The following ZACN variants were observed in gnomAD, a reference collection of about 807,000 sequenced individuals.
ZACN encodes ligand-gated cation channel ZACN.
In ZACN, 52 loss-of-function variants were observed where a neutral mutation model predicts 38.9. The ratio of observed to expected loss-of-function variants is 1.34; its 90% CI spans 1.07 to 1.68. The LOEUF (loss-of-function observed/expected upper bound fraction) is 1.68, where lower values mean the gene tolerates loss of function less well. ZACN is among the 40% of genes most tolerant of loss of function. The pLI is 0.00. For missense variants in ZACN, 559 were observed against 525.6 expected, an observed-to-expected ratio of 1.06 and a Z score of -0.62; for synonymous variants, 235 against 227.4, an observed-to-expected ratio of 1.03 and a Z score of -0.30.
At position 76,082,007 on chromosome 17, in the gene ZACN, G is replaced by T. The variant is rs1437638243; in HGVS notation, c.1006G>T (p.Glu336Ter). 2.5e-6 allele frequency: 4 copies of T among 1,611,542 alleles called. No homozygotes were observed. Among genetic ancestry groups the T allele is most frequent in the South Asian group, 1.1e-5 (1 of 90,944 alleles). ...KSGPSPAPRG[E>*]QREHGNPGPH... The stretch of plus-strand genomic sequence containing the variant: ...CGGCCCCAGCCCAGCCCCGAGAGGG[G>T]AACAGCGAGAGCACGGCAACCCAGG... Residue 336 changes from glutamate (E) to a stop codon, truncating the protein, a stop_gained, in exon 8 of 9, where the codon GAA (glutamate) becomes TAA (stop). Coordinates refer to ENST00000334586, the MANE Select transcript of ZACN (RefSeq NM_180990.4). LOFTEE classifies it low-confidence loss of function (END_TRUNC).
rs1229789844 is a variant in ZACN at position 76,079,768 on chromosome 17, G to A, written c.267+22G>A. ...GCTGGTGAGCTCCTATGCCTGGGGA[G>A]GTGGGATGGGAAAGCCCAGCTGAGT... On this transcript the variant is annotated intron_variant, in intron 3 of 8. Transcript: ENST00000334586. 3 of 1,612,016 alleles carry A rather than the reference G, an allele frequency of 1.9e-6. No individual in the cohort carries two copies. The South Asian group carries it at 3.3e-5, about 18-fold the overall frequency.
Position 76,079,931 on chromosome 17 carries a change from C to T in ZACN, c.311C>T (p.Pro104Leu), listed in dbSNP as rs200681257. Residue 104 changes from proline to leucine, a missense_variant, in exon 4 of 9, where the codon CCG becomes CTG. Physicochemically the swap from Pro to Leu is moderately conservative, Grantham distance 98. Coordinates refer to ENST00000334586, the MANE Select transcript of ZACN (RefSeq NM_180990.4). ...CTGGCCTGGAACACTAGTGCACACC[C>T]GCGGCACGCCATCACGCTGCCCTGG... is the stretch of plus-strand genomic sequence containing the variant. ...TRLAWNTSAHPRHAITLPWES... is the reference protein window; with the variant it reads ...TRLAWNTSAHLRHAITLPWES... 67 of 1,600,582 alleles carry T rather than the reference C, an allele frequency of 4.2e-5. No homozygotes were observed. Among genetic ancestry groups the T allele is most frequent in the Non-Finnish European group, 4.7e-5 (55 of 1,173,698 alleles).
In ZACN at chr17:76,081,621, T is replaced by G. The variant is rs964614160; in HGVS notation, c.746T>G (p.Val249Gly). 4.3e-6 allele frequency: 7 copies of G among 1,613,932 alleles called. No homozygotes were observed. Among genetic ancestry groups the G allele is most frequent in the Non-Finnish European group, 5.9e-6 (7 of 1,180,046 alleles). ...GCAGAGGCACTGCTGTTGGCTGACG[T>G]GTGCGGGGGGTTGCTGCCCCTCCGG... Reference protein sequence around the residue: ...VPAEALLLADVCGGLLPLRAI... With the variant: ...VPAEALLLADGCGGLLPLRAI... Residue 249 changes from valine (V) to glycine (G), a missense_variant, in exon 7 of 9, where the codon GTG (valine) becomes GGG (glycine). Physicochemically the swap from Val to Gly is moderately radical, Grantham distance 109. Transcript: ENST00000334586.
At chr17:76,082,388 C>T (rs985378197) in intron 8 of ZACN, 75 bp from the exon 9 acceptor site, 9 of 1,434,710 alleles carry the variant, frequency 6.3e-6, no homozygotes, top group African/African-American at 4.3e-5. Context: ...GGCTGATGAC[C>T]CCTGGGGTTC....
rs770097104 is a variant in ZACN, at chr17:76,080,436, G to A, written c.544+12G>A. ...TCTCAGCAACACGGGTGCTGACAGG[G>A]CAGGGGCTGCAGGGTTGAGGAGGGG... On this transcript the variant is annotated intron_variant, in intron 5 of 8. Transcript: ENST00000334586. The A allele has an allele frequency of 6.2e-7, 1 of 1,612,644 alleles. No individual in the cohort carries two copies. The highest frequency in any genetic ancestry group is 8.5e-7 in the Non-Finnish European group (1 of 1,179,906).
intron 5 of ZACN, chr17:76,080,951 T>C (rs2066946893): frequency 5.0e-6 from 2 of 399,646 alleles, no homozygotes; most frequent in Middle Eastern, 3.6e-4. Flanking sequence ...GCGGTAGCCC[T>C]GGGGATCCTG....
intron 5 of ZACN, chr17:76,080,905 A>AGAGAAGTCCTCCT (rs1282127631): frequency 2.2e-6 from 1 of 446,096 alleles, no homozygotes; most frequent in Non-Finnish European, 4.5e-6. Flanking sequence ...CTAACTTGGC[A>AGAGAAGTCCTCCT]GAGAAGTCCT....
rs527940357 is a variant in ZACN at position 76,082,371 on chromosome 17, C to T, written c.1049-92C>T. The T allele has an allele frequency of 1.8e-4, 240 of 1,308,612 alleles. 1 individual carries two copies. The highest frequency in any genetic ancestry group is 2.0e-4 in the Non-Finnish European group (191 of 952,870). 81.1% of individuals were successfully genotyped at this position (1,308,612 alleles called of 1,614,324 possible). On this transcript the variant is annotated intron_variant, in intron 8 of 8. Transcript: ENST00000334586. ...TCAGCTGAGAATCTAAGAAAGGAAG[C>T]GATACAGGCTGATGACCCCTGGGGT...
intron 2 of ZACN, 22 bp downstream of exon 2, chr17:76,079,585 G>A: frequency 6.2e-7 from 1 of 1,614,076 alleles, no homozygotes; most frequent in Non-Finnish European, 8.5e-7. Context: ...TAGGCCAAGG[G>A]CCCCAAGTGC....
rs201163620 is a variant in ZACN, at chr17:76,081,446, G to A, written c.669+44G>A. 3.3e-4 allele frequency: 539 copies of A among 1,612,402 alleles called. 1 individual carries two copies. The African/African-American group carries it at 5.4e-3, about 16-fold the overall frequency. On this transcript the variant is annotated intron_variant, in intron 6 of 8. Coordinates refer to ENST00000334586, the MANE Select transcript of ZACN (RefSeq NM_180990.4). ...AGGCCGACAGAGGGCTGCTGGAGGC[G>A]GGTGGGAGTGAGGATGCACGGCCAG...
At position 76,079,195 on chromosome 17, in the gene ZACN, C is replaced by A; in HGVS notation, c.-70C>A. 6.9e-7 allele frequency: 1 copy of A among 1,452,840 alleles called. No homozygotes were observed. Among genetic ancestry groups the A allele is most frequent in the Non-Finnish European group, 9.3e-7 (1 of 1,078,602 alleles). The allele number at this position is 1,452,840 out of a possible 1,614,324, so 90.0% of individuals were successfully genotyped here. ...CTGCCTCTGGCTAATTGCTCAGCTGCCAGAGAAGTGACTGGAATAGAGGTT... is the reference window on the plus strand; with the variant it reads ...CTGCCTCTGGCTAATTGCTCAGCTGACAGAGAAGTGACTGGAATAGAGGTT... On this transcript the variant is annotated 5_prime_UTR_variant, in exon 1 of 9. Transcript: ENST00000334586.
chr17:76,082,121 C>T, intron 8 of ZACN, 72 bp downstream of exon 8: 1 of 1,505,414 alleles, frequency 6.6e-7, no homozygotes, highest in Non-Finnish European at 8.9e-7. Context: ...GCACGGAGGT[C>T]CAGGTGTGGG....
intron 6 of ZACN, 32 bp from the exon 7 acceptor site, chr17:76,081,513 C>A: frequency 6.2e-7 from 1 of 1,610,968 alleles, no homozygotes; most frequent in Non-Finnish European, 8.5e-7. Context: ...CCTTCCCCCC[C>A]GCCGGGAAGG....
intron 3 of ZACN, 52 bp from the exon 4 acceptor site, chr17:76,079,836 G>A: frequency 6.3e-7 from 1 of 1,597,500 alleles, no homozygotes; most frequent in Admixed American, 1.7e-5. Flanking sequence ...CTGAGCTTAG[G>A]GGCATGGATA....
At chr17:76,080,102 C>G (rs1242943151) in intron 4 of ZACN, 108 bp downstream of exon 4, 10 of 1,468,578 alleles carry the variant, frequency 6.8e-6, no homozygotes, top group Non-Finnish European at 9.2e-6. Flanking sequence ...TGGCGGTCCC[C>G]GCCGGACTAG....
chr17:76,080,878 A>C, intron 5 of ZACN: 2 of 465,412 alleles, frequency 4.3e-6, no homozygotes, highest in Non-Finnish European at 4.3e-6. Flanking sequence ...ACCCTGTATA[A>C]ACCCATCAGG....
chr17:76,079,811 G>A, intron 3 of ZACN, 65 bp downstream of exon 3: 1 of 1,604,198 alleles, frequency 6.2e-7, no homozygotes, highest in Non-Finnish European at 8.5e-7. Flanking sequence ...AGAACTACCA[G>A]CCTTCATCAA....
Position 76,079,494 on chromosome 17 carries a change from G to C in ZACN, c.153G>C (p.Gln51His). 1.2e-6 allele frequency: 2 copies of C among 1,614,190 alleles called. No individual in the cohort carries two copies. The highest frequency in any genetic ancestry group is 1.7e-6 in the Non-Finnish European group (2 of 1,180,032). ...NLSKKVQESIQIPNNGSAPLL... is the reference protein window; with the variant it reads ...NLSKKVQESIHIPNNGSAPLL... ...CCAAGAAGGTTCAGGAAAGCATCCA[G>C]ATCCCGAACAATGGGAGTGCGCCCC... The change falls in exon 2 of 9, where the codon CAG becomes CAC. Residue 51 changes from glutamine (Q) to histidine (H), a missense_variant. Gln to His is a conservative substitution (Grantham distance 24, BLOSUM62 0). Transcript: ENST00000334586.
rs147316197 is a variant in ZACN, at chr17:76,079,565, T to C, written c.222+2T>C. ...TTTGTCTCCAACGTGTTTAATGTGGTAAGTGCCTCTAGGCCAAGGGCCCCA... is the reference window on the plus strand; with the variant it reads ...TTTGTCTCCAACGTGTTTAATGTGGCAAGTGCCTCTAGGCCAAGGGCCCCA... On this transcript the variant is annotated splice_donor_variant, in intron 2 of 8. Coordinates refer to ENST00000334586, the MANE Select transcript of ZACN (RefSeq NM_180990.4). LOFTEE classifies it high-confidence loss of function. 192 of 1,614,166 alleles carry C rather than the reference T, an allele frequency of 1.2e-4. 1 individual carries two copies. In the Middle Eastern group the frequency reaches 1.8e-3, roughly 15 times the overall value.
Sources: allele counts gnomAD v4.1 joint callset, GRCh38; gene constraint gnomAD v4.1.1; transcripts MANE v1.5; gene names NCBI Gene and HGNC (gene_info 2026-07-23, HGNC 2026-07-21).